Variants in PARP8 observed in about 807,000 individuals in gnomAD.
The protein encoded by PARP8 is protein mono-ADP-ribosyltransferase PARP8.
Under a neutral mutation model 124.1 loss-of-function variants are expected in PARP8, and 51 were observed. That is an observed-to-expected ratio of 0.41 (90% CI 0.33 to 0.52). The LOEUF (loss-of-function observed/expected upper bound fraction) is 0.52, where lower values mean the gene tolerates loss of function less well. PARP8 is among the 20% of genes least tolerant of loss of function. PARP8 has a pLI of 0.21. For missense variants in PARP8, 860 were observed against 1,018.9 expected (o/e 0.84, Z 2.12); for synonymous variants, 391 against 361.5 (o/e 1.08, Z -0.93).
At chr5:50,749,154 T>C (rs539449775) in intron 2 of PARP8, among the ~76,000 whole-genome samples, 71 of 152,350 alleles carry the variant, frequency 4.7e-4, no homozygotes, top group African/African-American at 1.6e-3. Flanking sequence ...TTTGTACATA[T>C]ATTAAGTGAT....
At chr5:50,779,824 T>C (rs1455901253) in intron 9 of PARP8, among the ~76,000 whole-genome samples, 1 of 152,232 alleles carries the variant, frequency 6.6e-6, no homozygotes, top group Non-Finnish European at 1.5e-5. Context: ...ATACTTGTTC[T>C]TTCAAATTTA....
At chr5:50,803,524 A>T (rs1296086965) in intron 14 of PARP8, among the ~76,000 whole-genome samples, 3 of 151,184 alleles carry the variant, frequency 2.0e-5, no homozygotes, top group Non-Finnish European at 4.4e-5. Context: ...TTTTCATTTT[A>T]TTATTCTTCC....
At chr5:50,753,277 A>G (rs1759463424) in intron 3 of PARP8, among the ~76,000 whole-genome samples, 1 of 151,960 alleles carries the variant, frequency 6.6e-6, no homozygotes, top group Admixed American at 6.6e-5. Flanking sequence ...GGACTCTCTT[A>G]TCCCTAGTAG....
Position 50,845,170 on chromosome 5 carries a change from T to A in PARP8, c.*3102T>A, listed in dbSNP as rs1323758189. 1 of 151,626 alleles carries A rather than the reference T, an allele frequency of 6.6e-6. No homozygotes were observed. The highest frequency in any genetic ancestry group is 1.5e-5 in the Non-Finnish European group (1 of 67,748). 9.4% of individuals were successfully genotyped at this position (151,626 alleles called of 1,614,324 possible). A position where few individuals can be genotyped will look rare whatever the true frequency, so the allele number is the denominator to read the frequency against. ...CTCCCCTTTGCTAAAAGAAAGAAAA[T>A]CTATAATATGTAAGTCTATGAATCT... On this transcript the variant is annotated 3_prime_UTR_variant, in exon 26 of 26. Transcript: ENST00000281631.
At chr5:50,668,614 C>A (rs1749644730) in intron 2 of PARP8, 2 of 153,214 alleles carry the variant, frequency 1.3e-5, no homozygotes, top group African/African-American at 4.8e-5. Flanking sequence ...AGTGGTATTT[C>A]GGTTTTCACG....
At chr5:50,705,553 G>C (rs1233816670) in intron 2 of PARP8, among the ~76,000 whole-genome samples, 3 of 152,190 alleles carry the variant, frequency 2.0e-5, no homozygotes, top group Non-Finnish European at 2.9e-5. Flanking sequence ...GGGAGGCCAA[G>C]GCATGTGAAT....
At chr5:50,723,843 A>G (rs2149508004) in intron 2 of PARP8, among the ~76,000 whole-genome samples, 1 of 152,262 alleles carries the variant, frequency 6.6e-6, no homozygotes, top group Admixed American at 6.5e-5. Flanking sequence ...CTACTTGGTC[A>G]AAGTTTTAAA....
chr5:50,815,619 T>C (rs1745016202), intron 15 of PARP8, 95 bp downstream of exon 15: 1 of 848,838 alleles, frequency 1.2e-6, no homozygotes, highest in Admixed American at 3.5e-5. Context: ...TTGGGGAAAA[T>C]ATTTGATAAC....
At chr5:50,831,665 C>T in intron 22 of PARP8, among the ~76,000 whole-genome samples, 1 of 152,030 alleles carries the variant, frequency 6.6e-6, no homozygotes, top group East Asian at 1.9e-4. Flanking sequence ...AAAGAAAAAA[C>T]ACAGCAAATC....
rs540812115 is a variant in PARP8 at position 50,667,044 on chromosome 5, G to C, written c.-52G>C. ...TTACGAAAGCTGGAAGCGTGCGAGGGGGGTGGGGTGGGGTGGAAATAGCGG... is the reference window on the plus strand; with the variant it reads ...TTACGAAAGCTGGAAGCGTGCGAGGCGGGTGGGGTGGGGTGGAAATAGCGG... On this transcript the variant is annotated 5_prime_UTR_variant, in exon 1 of 26. Transcript: ENST00000281631. 335 of 1,595,832 alleles carry C rather than the reference G, an allele frequency of 2.1e-4. 3 individuals are homozygous for C. The highest frequency in any genetic ancestry group is 1.4e-3 in the South Asian group (124 of 90,956).
rs143504574 is a variant in PARP8 at position 50,673,469 on chromosome 5, G to A, written c.146+5344G>A. Among the ~76,000 whole-genome samples the A allele has an allele frequency of 2.0e-3, 297 of 152,010 alleles. 1 individual carries two copies. The highest frequency in any genetic ancestry group is 2.5e-3 in the Non-Finnish European group (173 of 67,984). On this transcript the variant is annotated intron_variant, in intron 2 of 25. Coordinates refer to ENST00000281631, the MANE Select transcript of PARP8 (RefSeq NM_024615.4). The stretch of plus-strand genomic sequence containing the variant: ...CTCTTTGCTTGCCTTGCTTTATCCC[G>A]TGTTTCCAAAAAACACAAATAAGTA...
At chr5:50,708,431 T>A (rs1754389298) in intron 2 of PARP8, among the ~76,000 whole-genome samples, 1 of 152,148 alleles carries the variant, frequency 6.6e-6, no homozygotes, top group Non-Finnish European at 1.5e-5. Context: ...TTCTTTTTTT[T>A]AATCTCTGCA....
intron 9 of PARP8, among the ~76,000 whole-genome samples, chr5:50,786,009 C>CT (rs1011816420): frequency 1.3e-5 from 2 of 152,072 alleles, no homozygotes; most frequent in Non-Finnish European, 2.9e-5. Flanking sequence ...ATTCATTTCT[C>CT]TTTTTCTCTT....
In PARP8 at chr5:50,673,491, A is replaced by G. The variant is rs188703063; in HGVS notation, c.146+5366A>G. The stretch of plus-strand genomic sequence containing the variant: ...CCCGTGTTTCCAAAAAACACAAATA[A>G]GTATTTTGTCAGCTGTTTTACGTTT... On this transcript the variant is annotated intron_variant, in intron 2 of 25. Coordinates refer to ENST00000281631, the MANE Select transcript of PARP8 (RefSeq NM_024615.4). Among the ~76,000 whole-genome samples, 468 of 152,314 alleles carry G rather than the reference A, an allele frequency of 3.1e-3. 12 individuals are homozygous for G. The highest frequency in any genetic ancestry group is 0.028 in the Admixed American group (435 of 15,302).
chr5:50,671,431 C>T (rs1200042768), intron 2 of PARP8, among the ~76,000 whole-genome samples: 6 of 151,412 alleles, frequency 4.0e-5, no homozygotes, highest in African/African-American at 1.5e-4. Flanking sequence ...CGAGTGTGAA[C>T]TTTCAGCCAG....
intron 2 of PARP8, among the ~76,000 whole-genome samples, chr5:50,731,781 T>C (rs1757000193): frequency 6.6e-6 from 1 of 152,210 alleles, no homozygotes; most frequent in Admixed American, 6.5e-5. Flanking sequence ...CAGCTCCTTA[T>C]CTAGAATTTC....
rs2149741734 is a variant in PARP8 at position 50,845,783 on chromosome 5, A to G, written c.*3715A>G. On this transcript the variant is annotated 3_prime_UTR_variant, in exon 26 of 26. Transcript: ENST00000281631. The stretch of plus-strand genomic sequence containing the variant: ...TTTTATGTCCATTACCTAAAGCCAC[A>G]ATCTCCCGCTCTAAGGAGTTAAAGG... The G allele has an allele frequency of 6.6e-6, 1 of 151,886 alleles. No individual in the cohort carries two copies. The highest frequency in any genetic ancestry group is 2.4e-5 in the African/African-American group (1 of 41,512). The allele number at this position is 151,886 out of a possible 1,614,324, so 9.4% of individuals were successfully genotyped here.
rs542666935 is a variant in PARP8 at position 50,846,193 on chromosome 5, C to T, written c.*4125C>T. On this transcript the variant is annotated 3_prime_UTR_variant, in exon 26 of 26. Coordinates refer to ENST00000281631, the MANE Select transcript of PARP8 (RefSeq NM_024615.4). ...CATTTGAGATTTTTAAAAATGCATC[C>T]GCTCCATTATGTAAACATTAAGATA... 2.6e-5 allele frequency: 4 copies of T among 151,730 alleles called. No individual in the cohort carries two copies. Among genetic ancestry groups the T allele is most frequent in the African/African-American group, 4.8e-5 (2 of 41,436 alleles). The allele number at this position is 151,730 out of a possible 1,614,324, so 9.4% of individuals were successfully genotyped here.
chr5:50,698,073 C>G (rs1187418628), intron 2 of PARP8, among the ~76,000 whole-genome samples: 2 of 152,132 alleles, frequency 1.3e-5, no homozygotes, highest in African/African-American at 4.8e-5. Context: ...CAGTTTTACA[C>G]ATTTAGATAT....
Sources: gnomAD v4.1 joint callset for allele counts (sites outside exome capture counted in the v4.1 genomes callset) on GRCh38, gnomAD v4.1.1 for gene constraint, MANE v1.5 for transcripts, NCBI Gene and HGNC (gene_info 2026-07-23, HGNC 2026-07-21) for gene names.